Variants in KCNN2 observed in about 807,000 individuals in gnomAD.
KCNN2 encodes potassium calcium-activated channel subfamily N member 2.
Under a neutral mutation model 55.5 loss-of-function variants are expected in KCNN2, and 24 were observed. That is an observed-to-expected ratio of 0.43 (90% confidence interval 0.31 to 0.61). The LOEUF (loss-of-function observed/expected upper bound fraction) is 0.61, where lower values mean the gene tolerates loss of function less well. Among genes scored for constraint, KCNN2 ranks in the 20% least tolerant of loss-of-function variants. The probability of loss-of-function intolerance (pLI) is 0.08; values close to 1 mark genes in which losing one functional copy is unlikely to be tolerated. For missense variants in KCNN2, 754 were observed against 853.6 expected (o/e 0.88, Z 1.45); for synonymous variants, 431 against 336.1 (o/e 1.28, Z -3.09).
chr5:114,212,664 C>A (rs994240440), intron 1 of KCNN2, among the ~76,000 whole-genome samples: 2 of 151,914 alleles, frequency 1.3e-5, no homozygotes, highest in Non-Finnish European at 2.9e-5. Context: ...ATCTACTAGA[C>A]AATGGGCTTC....
At chr5:114,273,706 T>C (rs1432846197) in intron 2 of KCNN2, among the ~76,000 whole-genome samples, 1 of 152,222 alleles carries the variant, frequency 6.6e-6, no homozygotes, top group African/African-American at 2.4e-5. Flanking sequence ...GTTGTTTTTT[T>C]CTTGTAAATT....
intron 1 of KCNN2, among the ~76,000 whole-genome samples, chr5:114,154,032 G>A (rs1752578617): frequency 6.6e-6 from 1 of 152,140 alleles, no homozygotes; most frequent in South Asian, 2.1e-4. Context: ...CTGGCCCCAG[G>A]TTCTTGCAGT....
In KCNN2 at chr5:114,080,795, A is replaced by G. The variant is rs989428412; in HGVS notation, c.-271+24295A>G. On this transcript the variant is annotated intron_variant, in intron 1 of 10. Transcript: ENST00000512097. ...AACAAGGCAAGGAACTTGTTTTGCC[A>G]CTTCTATTCAACATAGTATTTAAAG... Among the ~76,000 whole-genome samples the G allele has an allele frequency of 5.9e-5, 9 of 152,260 alleles. No individual in the cohort carries two copies. In the East Asian group the frequency reaches 1.7e-3, roughly 29 times the overall value.
At chr5:114,295,817 G>A (rs1027457696) in intron 2 of KCNN2, among the ~76,000 whole-genome samples, 34 of 152,254 alleles carry the variant, frequency 2.2e-4, no homozygotes, top group African/African-American at 7.9e-4. Flanking sequence ...CTGTAGACTG[G>A]AGCTGTTCCT....
chr5:114,164,923 C>T (rs553101245), intron 1 of KCNN2, among the ~76,000 whole-genome samples: 1 of 152,186 alleles, frequency 6.6e-6, no homozygotes, highest in African/African-American at 2.4e-5. Flanking sequence ...AAGTTTTTTG[C>T]ACGTAATAAT....
At chr5:114,343,687 T>C (rs368467387) in intron 2 of KCNN2, among the ~76,000 whole-genome samples, 85 of 150,452 alleles carry the variant, frequency 5.6e-4, no homozygotes, top group African/African-American at 2.1e-3. Flanking sequence ...AGGACAAAGA[T>C]GCATGGTGTG....
chr5:114,239,511 G>C (rs1400709589), intron 2 of KCNN2, among the ~76,000 whole-genome samples: 2 of 151,894 alleles, frequency 1.3e-5, no homozygotes, highest in Non-Finnish European at 2.9e-5. Context: ...CTGGGGCAAA[G>C]CAGATTTAGG....
chr5:114,434,652 G>A (rs888007233), intron 3 of KCNN2, among the ~76,000 whole-genome samples: 1 of 152,190 alleles, frequency 6.6e-6, no homozygotes, highest in Non-Finnish European at 1.5e-5. Context: ...GAGAAGAAAG[G>A]AGCCATTCTG....
At chr5:114,448,308 C>G (rs1156296262) in intron 3 of KCNN2, among the ~76,000 whole-genome samples, 2 of 152,258 alleles carry the variant, frequency 1.3e-5, no homozygotes, top group East Asian at 3.9e-4. Flanking sequence ...CAAGGGTGTT[C>G]TGAAGCCTTT....
At chr5:114,138,621 C>T (rs1752216525) in intron 1 of KCNN2, among the ~76,000 whole-genome samples, 2 of 152,124 alleles carry the variant, frequency 1.3e-5, no homozygotes. Context: ...CTGTTATTAA[C>T]TTGATCTATT....
chr5:114,222,828 G>A (rs901662431), intron 2 of KCNN2, among the ~76,000 whole-genome samples: 1 of 152,182 alleles, frequency 6.6e-6, no homozygotes, highest in Non-Finnish European at 1.5e-5. Flanking sequence ...TCCAGGTTCT[G>A]TGTATGCTGT....
intron 2 of KCNN2, among the ~76,000 whole-genome samples, chr5:114,304,351 A>T (rs1278466076): frequency 6.6e-6 from 1 of 152,108 alleles, no homozygotes; most frequent in Non-Finnish European, 1.5e-5. Flanking sequence ...TTATCATGCA[A>T]CTTCTTTAGG....
chr5:114,174,084 T>C (rs2112546031), intron 1 of KCNN2, among the ~76,000 whole-genome samples: 1 of 152,218 alleles, frequency 6.6e-6, no homozygotes, highest in East Asian at 1.9e-4. Context: ...TTTAGTTAAA[T>C]ATTTCTTACA....
chr5:114,107,581 G>C (rs571985851), intron 1 of KCNN2, among the ~76,000 whole-genome samples: 11 of 151,000 alleles, frequency 7.3e-5, no homozygotes, highest in Non-Finnish European at 1.6e-4. Flanking sequence ...AAGTTATTTT[G>C]TAGAGACGAA....
At chr5:114,126,069 C>A (rs1398919800) in intron 1 of KCNN2, among the ~76,000 whole-genome samples, 1 of 152,098 alleles carries the variant, frequency 6.6e-6, no homozygotes, top group Admixed American at 6.6e-5. Flanking sequence ...AATCTTCCAT[C>A]TTTATGTGAT....
At chr5:114,140,133 G>A (rs1338179666) in intron 1 of KCNN2, among the ~76,000 whole-genome samples, 1 of 151,942 alleles carries the variant, frequency 6.6e-6, no homozygotes, top group African/African-American at 2.4e-5. Context: ...TATTTTAAAA[G>A]TTTTAATTTT....
intron 1 of KCNN2, among the ~76,000 whole-genome samples, chr5:114,084,461 A>G (rs1245825396): frequency 3.3e-5 from 5 of 152,048 alleles, no homozygotes; most frequent in Non-Finnish European, 7.4e-5. Context: ...TGCCATCTGT[A>G]TAACTTCTTT....
intron 1 of KCNN2, among the ~76,000 whole-genome samples, chr5:114,142,206 C>T (rs1218780461): frequency 6.6e-6 from 1 of 152,110 alleles, no homozygotes; most frequent in East Asian, 1.9e-4. Flanking sequence ...AGTCCTTGTC[C>T]ATGCCTATGT....
At chr5:114,165,268 A>T (rs573648018) in intron 1 of KCNN2, among the ~76,000 whole-genome samples, 105 of 152,124 alleles carry the variant, frequency 6.9e-4, no homozygotes, top group Non-Finnish European at 1.5e-3. Context: ...AGAGACTGAA[A>T]GACAGATCCC....
Sources: gnomAD v4.1 joint callset for allele counts (sites outside exome capture counted in the v4.1 genomes callset) on GRCh38, gnomAD v4.1.1 for gene constraint, MANE v1.5 for transcripts, NCBI Gene and HGNC (gene_info 2026-07-23, HGNC 2026-07-21) for gene names.